GABBR2: variants seen among roughly 807,000 people sequenced by gnomAD.
The protein encoded by GABBR2 is G-protein coupled receptor 51.
In GABBR2, 23 loss-of-function variants were observed where a neutral mutation model predicts 105.6. The ratio of observed to expected loss-of-function variants is 0.22; its 90% CI spans 0.16 to 0.31. The LOEUF (loss-of-function observed/expected upper bound fraction) is 0.31. Among genes scored for constraint, GABBR2 ranks in the 10% least tolerant of loss-of-function variants. The pLI is 1.00. For synonymous variants in GABBR2, 478 were observed against 499.7 expected (o/e 0.96, Z 0.58); for missense variants, 734 against 1,245.5 (o/e 0.59, Z 6.18).
At position 98,381,512 on chromosome 9, in the gene GABBR2, C is replaced by G. The variant is rs1242710544; in HGVS notation, c.1662+4128G>C. Among the ~76,000 whole-genome samples the G allele has an allele frequency of 4.6e-5, 7 of 152,332 alleles. No individual in the cohort carries two copies. In the East Asian group the frequency reaches 1.3e-3, roughly 29 times the overall value. ...CCCATCAGGCACTGGTACTTAGGCC[C>G]TAAATTCAAGAGCTTTCACTTCCTC... On this transcript the variant is annotated intron_variant, in intron 11 of 18. Transcript: ENST00000259455.
At chr9:98,421,316 C>A (rs1297806317) in intron 7 of GABBR2, among the ~76,000 whole-genome samples, 1 of 148,320 alleles carries the variant, frequency 6.7e-6, no homozygotes, top group African/African-American at 2.6e-5. Flanking sequence ...TAAAAATCGA[C>A]GAGGAACAGG....
At chr9:98,293,554 C>G (rs570319381) in intron 18 of GABBR2, among the ~76,000 whole-genome samples, 1 of 152,330 alleles carries the variant, frequency 6.6e-6, no homozygotes, top group African/African-American at 2.4e-5. Flanking sequence ...GATGTGAGTT[C>G]AAGTCCTACT....
intron 13 of GABBR2, 29 bp from the exon 14 acceptor site, chr9:98,311,234 G>A (rs368852393): frequency 4.1e-5 from 56 of 1,376,642 alleles, no homozygotes; most frequent in Non-Finnish European, 5.5e-5. Flanking sequence ...GAGACTCAGG[G>A]ATGGCACAGG....
chr9:98,464,649 A>G (rs1458486709), intron 6 of GABBR2, among the ~76,000 whole-genome samples: 2 of 152,152 alleles, frequency 1.3e-5, no homozygotes, highest in African/African-American at 4.8e-5. Flanking sequence ...ATGGGCCATG[A>G]TGACGATGGC....
At chr9:98,614,275 G>A (rs1340762777) in intron 1 of GABBR2, among the ~76,000 whole-genome samples, 2 of 152,186 alleles carry the variant, frequency 1.3e-5, no homozygotes, top group South Asian at 2.1e-4. Context: ...TGTAATCCCA[G>A]CACTTTGGGA....
chr9:98,340,643 A>G lies in GABBR2; in HGVS notation c.1893+22072T>C, dbSNP rs185474233. On this transcript the variant is annotated intron_variant, in intron 13 of 18. Coordinates refer to ENST00000259455, the MANE Select transcript of GABBR2 (RefSeq NM_005458.8). The stretch of plus-strand genomic sequence containing the variant: ...ACACCACCCTTTATGGACATACCTA[A>G]TCTTGCTCATCAGACATGCAGTACG... Among the ~76,000 whole-genome samples the G allele has an allele frequency of 2.0e-5, 3 of 152,236 alleles. No homozygotes were observed. The East Asian group carries it at 5.8e-4, about 29-fold the overall frequency.
chr9:98,545,754 G>A (rs1588221803), intron 2 of GABBR2, among the ~76,000 whole-genome samples: 1 of 152,274 alleles, frequency 6.6e-6, no homozygotes, highest in South Asian at 2.1e-4. Flanking sequence ...GTAGAAGCAG[G>A]ACTTGAACCC....
chr9:98,637,899 C>A (rs928528833), intron 1 of GABBR2, among the ~76,000 whole-genome samples: 3 of 152,184 alleles, frequency 2.0e-5, no homozygotes. Context: ...AAATCTAATG[C>A]ACTTACTATA....
intron 1 of GABBR2, among the ~76,000 whole-genome samples, chr9:98,666,253 AT>A (rs1436142055): frequency 6.6e-6 from 1 of 152,198 alleles, no homozygotes; most frequent in Non-Finnish European, 1.5e-5. Flanking sequence ...ACCCAAAGGA[AT>A]AATCTAAATG....
At chr9:98,527,996 C>A (rs866883204) in intron 3 of GABBR2, among the ~76,000 whole-genome samples, 1 of 152,070 alleles carries the variant, frequency 6.6e-6, no homozygotes, top group Non-Finnish European at 1.5e-5. Flanking sequence ...GATTATCAAG[C>A]GCTTGAAATC....
intron 1 of GABBR2, among the ~76,000 whole-genome samples, chr9:98,580,271 C>T (rs1436476201): frequency 2.0e-5 from 3 of 152,144 alleles, no homozygotes; most frequent in Non-Finnish European, 2.9e-5. Context: ...GGTCACCCTC[C>T]CCAAAATATT....
intron 3 of GABBR2, among the ~76,000 whole-genome samples, chr9:98,500,433 C>T (rs944110201): frequency 1.3e-5 from 2 of 152,170 alleles, no homozygotes; most frequent in African/African-American, 4.8e-5. Flanking sequence ...CCCAGGAGGG[C>T]AGGAGACACA....
intron 1 of GABBR2, among the ~76,000 whole-genome samples, chr9:98,665,108 A>G (rs554355353): frequency 1.3e-5 from 2 of 152,110 alleles, no homozygotes; most frequent in South Asian, 4.2e-4. Context: ...TTCTACATAA[A>G]ATTTTTAAAA....
chr9:98,583,614 G>A (rs1256326226), intron 1 of GABBR2, among the ~76,000 whole-genome samples: 1 of 152,224 alleles, frequency 6.6e-6, no homozygotes, highest in Non-Finnish European at 1.5e-5. Context: ...TGTCTCATAA[G>A]CAAGGCGTTT....
At chr9:98,687,450 T>G (rs532001231) in intron 1 of GABBR2, among the ~76,000 whole-genome samples, 1 of 152,170 alleles carries the variant, frequency 6.6e-6, no homozygotes, top group Non-Finnish European at 1.5e-5. Flanking sequence ...CTTAGCAGGA[T>G]TCTTGCTAAA....
chr9:98,615,182 C>T (rs1372230027), intron 1 of GABBR2, among the ~76,000 whole-genome samples: 1 of 152,174 alleles, frequency 6.6e-6, no homozygotes, highest in African/African-American at 2.4e-5. Flanking sequence ...CCTGAATCAC[C>T]AGCCCCTAGC....
intron 1 of GABBR2, among the ~76,000 whole-genome samples, chr9:98,603,929 C>T (rs1161498811): frequency 6.6e-6 from 1 of 152,164 alleles, no homozygotes; most frequent in Non-Finnish European, 1.5e-5. Context: ...AAATAACGTC[C>T]CGTTCCATCT....
chr9:98,325,537 C>T (rs1158368054), intron 13 of GABBR2, among the ~76,000 whole-genome samples: 1 of 152,036 alleles, frequency 6.6e-6, no homozygotes, highest in South Asian at 2.1e-4. Context: ...GGTGATCTAC[C>T]CATCTCGGTC....
chr9:98,660,880 A>G (rs564515285), intron 1 of GABBR2, among the ~76,000 whole-genome samples: 1 of 152,136 alleles, frequency 6.6e-6, no homozygotes, highest in Non-Finnish European at 1.5e-5. Flanking sequence ...GCCTACCTGG[A>G]TGATCCAGGA....
Sources: gnomAD v4.1 joint callset for allele counts (sites outside exome capture counted in the v4.1 genomes callset) on GRCh38, gnomAD v4.1.1 for gene constraint, MANE v1.5 for transcripts, NCBI Gene and HGNC (gene_info 2026-07-23, HGNC 2026-07-21) for gene names.